The following RUNX2 variants were observed in gnomAD, a reference collection of about 807,000 sequenced individuals.
The protein encoded by RUNX2 is runt-related transcription factor 2.
RUNX2 carries 10 observed loss-of-function variants against 51.7 expected under a neutral mutation model. The ratio of observed to expected loss-of-function variants is 0.19; its 90% confidence interval spans 0.12 to 0.33. The LOEUF is 0.33. RUNX2 is among the 10% of genes least tolerant of loss of function. The probability of loss-of-function intolerance (pLI) is 1.00; values close to 1 mark genes in which losing one functional copy is unlikely to be tolerated. For missense variants in RUNX2, 562 were observed against 691.3 expected, an observed-to-expected ratio of 0.81 and a Z score of 2.10; for synonymous variants, 276 against 273.6, an observed-to-expected ratio of 1.01 and a Z score of -0.09.
intron 2 of RUNX2, among the ~76,000 whole-genome samples, chr6:45,399,836 A>AAGGG (rs1797668377): frequency 1.3e-5 from 2 of 148,204 alleles, no homozygotes; most frequent in African/African-American, 5.0e-5. Flanking sequence ...GGAAGGAAGG[A>AAGGG]AGGAAGGAAA....
intron 2 of RUNX2, among the ~76,000 whole-genome samples, chr6:45,358,027 G>A (rs1793555113): frequency 6.6e-6 from 1 of 151,976 alleles, no homozygotes; most frequent in African/African-American, 2.4e-5. Context: ...ACTTGCCAAA[G>A]TAGCCAAAAA....
rs1324408414 is a variant in RUNX2, at chr6:45,549,844, C to T, written c.*2539C>T. The T allele has an allele frequency of 6.5e-6, 1 of 152,998 alleles. No homozygotes were observed. The highest frequency in any genetic ancestry group is 2.4e-5 in the African/African-American group (1 of 41,436). 9.5% of individuals were successfully genotyped at this position (152,998 alleles called of 1,614,324 possible). Reference sequence around the variant, plus strand: ...TTACTATAGTGGCTGCAGGCAGCAACCCAGAAACACTTTAGAAGCTTTTTT... The same window carrying T: ...TTACTATAGTGGCTGCAGGCAGCAATCCAGAAACACTTTAGAAGCTTTTTT... On this transcript the variant is annotated 3_prime_UTR_variant, in exon 9 of 9. Transcript: ENST00000647337.
chr6:45,395,226 T>G (rs1216298542), intron 2 of RUNX2, among the ~76,000 whole-genome samples: 1 of 152,202 alleles, frequency 6.6e-6, no homozygotes, highest in East Asian at 1.9e-4. Flanking sequence ...TCAGCTTTTT[T>G]TCTTGTGAGA....
chr6:45,547,249 C>T lies in RUNX2; in HGVS notation c.1510C>T (p.Pro504Ser). ...CGCTGATGGAAGCCACAGCAGTTCC[C>T]CAACTGTTTTGAATTCTAGTGGCAG... is the stretch of plus-strand genomic sequence containing the variant. ...VDADGSHSSS[P>S]TVLNSSGRMD... Residue 504 changes from proline to serine, a missense_variant, in exon 9 of 9, where the codon CCA (proline) becomes TCA (serine). Pro to Ser is a moderately conservative substitution (Grantham distance 74, BLOSUM62 -1). Around this residue, in one of 5 missense-constraint regions of RUNX2, gnomAD observed 304 missense variants for 353.2 expected, o/e 0.86. Coordinates refer to ENST00000647337, the MANE Select transcript of RUNX2 (RefSeq NM_001024630.4). 6.2e-7 allele frequency: 1 copy of T among 1,614,138 alleles called. No homozygotes were observed. The highest frequency in any genetic ancestry group is 8.5e-7 in the Non-Finnish European group (1 of 1,180,012).
At chr6:45,531,733 C>CTCCAGTCTGGAA (rs1801851596) in intron 7 of RUNX2, among the ~76,000 whole-genome samples, 1 of 151,410 alleles carries the variant, frequency 6.6e-6, no homozygotes, top group African/African-American at 2.4e-5. Context: ...AGTCTGGCAA[C>CTCCAGTCTGGAA]AGGGTGAGAT....
intron 4 of RUNX2, among the ~76,000 whole-genome samples, chr6:45,437,548 C>T (rs1277314839): frequency 2.0e-5 from 3 of 152,166 alleles, no homozygotes; most frequent in Non-Finnish European, 2.9e-5. Flanking sequence ...ATTGTTCTCT[C>T]GTGAGGTCAT....
chr6:45,545,004 C>G (rs1035333126), intron 7 of RUNX2, among the ~76,000 whole-genome samples: 10 of 152,102 alleles, frequency 6.6e-5, no homozygotes, highest in Non-Finnish European at 2.9e-5. Flanking sequence ...GGTTCTTCAT[C>G]TTGAAAGTGT....
At chr6:45,400,002 G>A (rs1049700173) in intron 2 of RUNX2, among the ~76,000 whole-genome samples, 6 of 138,132 alleles carry the variant, frequency 4.3e-5, no homozygotes, top group Admixed American at 2.2e-4. Context: ...GGGAGGGAGG[G>A]AAGAAAGGAA....
chr6:45,377,925 TCG>T (rs1366405997), intron 2 of RUNX2: 1 of 148,850 alleles, frequency 6.7e-6, no homozygotes, highest in Non-Finnish European at 1.5e-5. Context: ...AAAAGGTGAC[TCG>T]GCTGTGTGAC....
intron 2 of RUNX2, among the ~76,000 whole-genome samples, chr6:45,391,119 C>T (rs1797459884): frequency 6.6e-6 from 1 of 152,058 alleles, no homozygotes; most frequent in African/African-American, 2.4e-5. Context: ...TGTATAGGTA[C>T]AAGATTCTAT....
At chr6:45,407,919 C>T (rs1797871316) in intron 2 of RUNX2, among the ~76,000 whole-genome samples, 1 of 152,010 alleles carries the variant, frequency 6.6e-6, no homozygotes, top group South Asian at 2.1e-4. Flanking sequence ...AGTAGTTAAG[C>T]ATCCTAAGTC....
chr6:45,370,946 C>T (rs1795964783), intron 2 of RUNX2, among the ~76,000 whole-genome samples: 1 of 152,120 alleles, frequency 6.6e-6, no homozygotes, highest in African/African-American at 2.4e-5. Flanking sequence ...AAAAACAGTC[C>T]CTAAGGTGCA....
intron 5 of RUNX2, among the ~76,000 whole-genome samples, chr6:45,472,428 A>C (rs1799831152): frequency 6.6e-6 from 1 of 152,180 alleles, no homozygotes; most frequent in Non-Finnish European, 1.5e-5. Flanking sequence ...GTTTTCTCCC[A>C]TTCTGCCAAA....
At chr6:45,471,783 C>T (rs976808636) in intron 5 of RUNX2, among the ~76,000 whole-genome samples, 5 of 152,060 alleles carry the variant, frequency 3.3e-5, no homozygotes, top group African/African-American at 1.2e-4. Context: ...AAGACAGTGT[C>T]CTATTATTCC....
At chr6:45,403,034 CT>C (rs1343241700) in intron 2 of RUNX2, among the ~76,000 whole-genome samples, 1 of 151,994 alleles carries the variant, frequency 6.6e-6, no homozygotes, top group African/African-American at 2.4e-5. Flanking sequence ...GTAATCCATA[CT>C]CAATGGACAT....
intron 5 of RUNX2, among the ~76,000 whole-genome samples, chr6:45,446,643 T>C (rs1799006951): frequency 6.6e-6 from 1 of 152,104 alleles, no homozygotes; most frequent in African/African-American, 2.4e-5. Flanking sequence ...GAATAGGACA[T>C]ACTTAAAAAT....
At chr6:45,342,557 C>T (rs942347060) in intron 2 of RUNX2, among the ~76,000 whole-genome samples, 8 of 152,132 alleles carry the variant, frequency 5.3e-5, no homozygotes, top group African/African-American at 1.9e-4. Flanking sequence ...CGACACCCAG[C>T]CCTACAATCT....
chr6:45,389,311 C>G (rs148045643), intron 2 of RUNX2, among the ~76,000 whole-genome samples: 1 of 152,312 alleles, frequency 6.6e-6, no homozygotes, highest in Non-Finnish European at 1.5e-5. Flanking sequence ...TGGAACCTAA[C>G]TTGGAACTAC....
At chr6:45,394,663 G>A (rs1797544626) in intron 2 of RUNX2, among the ~76,000 whole-genome samples, 1 of 152,134 alleles carries the variant, frequency 6.6e-6, no homozygotes, top group African/African-American at 2.4e-5. Flanking sequence ...TCCCGACACT[G>A]CCATCAAGTT....
Sources: gnomAD v4.1 joint callset for allele counts (sites outside exome capture counted in the v4.1 genomes callset) on GRCh38, gnomAD v4.1.1 for gene constraint, gnomAD v4.1.1 regional missense constraint, MANE v1.5 for transcripts, NCBI Gene and HGNC (gene_info 2026-07-23, HGNC 2026-07-21) for gene names.